Variants in STAB2 observed in about 807,000 individuals in gnomAD.
STAB2 encodes stabilin-2.
A neutral mutation model predicts 338.1 loss-of-function variants in STAB2; 288 were observed. That is an observed-to-expected ratio of 0.85 (90% confidence interval 0.77 to 0.94). The LOEUF is 0.94. STAB2 is among the 40% of genes least tolerant of loss of function. The pLI is 0.00. For synonymous variants in STAB2, 1,202 were observed against 1,193.3 expected, an observed-to-expected ratio of 1.01 and a Z score of -0.15; for missense variants, 3,141 against 3,210.1, an observed-to-expected ratio of 0.98 and a Z score of 0.52.
Position 103,754,393 on chromosome 12 carries a change from C to G in STAB2, c.6715-909C>G, listed in dbSNP as rs905153587. 1.5e-4 allele frequency among the ~76,000 whole-genome samples: 23 copies of G among 152,098 alleles called. No homozygotes were observed. In the East Asian group the frequency reaches 1.5e-3, roughly 10 times the overall value. On this transcript the variant is annotated intron_variant, in intron 61 of 68. Coordinates refer to ENST00000388887, the MANE Select transcript of STAB2 (RefSeq NM_017564.10). ...TGAATGCCAGTTGCCAGCTGTGTGA[C>G]TTTGAGCAAGTTACTTCTCTTTGCC...
chr12:103,680,299 TTTAC>T (rs1464548124), intron 25 of STAB2, among the ~76,000 whole-genome samples: 1 of 152,172 alleles, frequency 6.6e-6, no homozygotes, highest in Non-Finnish European at 1.5e-5. Context: ...CATACATATA[TTTAC>T]TTCAATTCTT....
At chr12:103,752,454 A>G (rs1036901087) in intron 60 of STAB2, among the ~76,000 whole-genome samples, 7 of 152,248 alleles carry the variant, frequency 4.6e-5, no homozygotes, top group Non-Finnish European at 1.0e-4. Flanking sequence ...GAACTTGACA[A>G]TATAAAAATG....
At chr12:103,762,435 G>T (rs1884607371) in intron 67 of STAB2, 33 bp downstream of exon 67, 1 of 1,614,002 alleles carries the variant, frequency 6.2e-7, no homozygotes, top group African/African-American at 1.3e-5. Context: ...TGATGATGGG[G>T]TCCTCTCCAA....
At chr12:103,717,236 A>G (rs1880389547) in intron 43 of STAB2, among the ~76,000 whole-genome samples, 1 of 152,200 alleles carries the variant, frequency 6.6e-6, no homozygotes, top group Non-Finnish European at 1.5e-5. Flanking sequence ...TTCTTCAGAC[A>G]GTGTCCCCTC....
intron 60 of STAB2, 107 bp from the exon 61 acceptor site, chr12:103,753,113 C>A: frequency 1.4e-6 from 2 of 1,431,312 alleles, no homozygotes; most frequent in South Asian, 1.4e-5. Context: ...CTGGAGACAC[C>A]CTGGGGTATA....
chr12:103,757,494 T>C (rs1460607078), intron 63 of STAB2, among the ~76,000 whole-genome samples: 1 of 152,194 alleles, frequency 6.6e-6, no homozygotes, highest in African/African-American at 2.4e-5. Flanking sequence ...TGCTAGAAGA[T>C]GATAGATCCA....
At chr12:103,638,437 GTCT>G (rs1401829799) in intron 8 of STAB2, among the ~76,000 whole-genome samples, 1 of 152,098 alleles carries the variant, frequency 6.6e-6, no homozygotes, top group African/African-American at 2.4e-5. Context: ...AAACTTAATT[GTCT>G]TACGTTCTCT....
chr12:103,631,117 A>G (rs1593161474), intron 5 of STAB2, among the ~76,000 whole-genome samples: 1 of 152,218 alleles, frequency 6.6e-6, no homozygotes, highest in Non-Finnish European at 1.5e-5. Context: ...GCTAGAAAAT[A>G]TGGCATGGTT....
chr12:103,757,896 G>A (rs1884253637), intron 63 of STAB2: 2 of 451,140 alleles, frequency 4.4e-6, no homozygotes, highest in African/African-American at 3.9e-5. Flanking sequence ...GAGAAGACTC[G>A]AGATTTGATG....
chr12:103,701,807 A>G (rs1878895139), intron 34 of STAB2, among the ~76,000 whole-genome samples: 1 of 146,164 alleles, frequency 6.8e-6, no homozygotes, highest in South Asian at 2.2e-4. Context: ...TTTGACTGCA[A>G]GTAAATCATA....
rs76443430 is a variant in STAB2, at chr12:103,591,886, C to A, written c.215+856C>A. On this transcript the variant is annotated intron_variant, in intron 2 of 68. Transcript: ENST00000388887. ...GCAAATGCAATTTGTATTTGCGCAG[C>A]CTGTTTCTTTAGAAATTAGATAGTA... 1.1e-3 allele frequency among the ~76,000 whole-genome samples: 171 copies of A among 152,224 alleles called. 1 individual carries two copies. Among genetic ancestry groups the A allele is most frequent in the African/African-American group, 3.9e-3 (162 of 41,524 alleles).
intron 30 of STAB2, among the ~76,000 whole-genome samples, chr12:103,691,582 T>C (rs1293765923): frequency 6.6e-6 from 1 of 152,194 alleles, no homozygotes; most frequent in Non-Finnish European, 1.5e-5. Context: ...AATTTATTGG[T>C]GTTTTAAATC....
At chr12:103,732,281 C>G (rs552284214) in intron 50 of STAB2, among the ~76,000 whole-genome samples, 1 of 152,256 alleles carries the variant, frequency 6.6e-6, no homozygotes, top group Non-Finnish European at 1.5e-5. Context: ...TGCACTCCAG[C>G]CGGGGTGACA....
chr12:103,638,526 C>A (rs900820596), intron 8 of STAB2, among the ~76,000 whole-genome samples: 2 of 152,224 alleles, frequency 1.3e-5, no homozygotes, highest in Non-Finnish European at 2.9e-5. Flanking sequence ...AACTGTTGAA[C>A]ATATGATTGA....
chr12:103,734,403 G>A (rs1354864050), intron 51 of STAB2, among the ~76,000 whole-genome samples: 2 of 151,308 alleles, frequency 1.3e-5, no homozygotes, highest in East Asian at 3.9e-4. Context: ...AATCATATGG[G>A]AGCAAGCATG....
At position 103,749,085 on chromosome 12, in the gene STAB2, GAGAT is replaced by G. The variant is rs748831655; in HGVS notation, c.6371_6374del (p.Ile2124ThrfsTer19). 1 of 1,614,134 alleles carries G rather than the reference GAGAT, an allele frequency of 6.2e-7. No individual in the cohort carries two copies. Among genetic ancestry groups the G allele is most frequent in the South Asian group, 1.1e-5 (1 of 91,076 alleles). On this transcript the variant is annotated frameshift_variant, in exon 59 of 69. Transcript: ENST00000388887. LOFTEE classifies it high-confidence loss of function. ...CAAAGGGGACGGGCACAGCTGCACA[GAGAT>G]AGACCCCTGTGCAGACGGCCTTAAC...
At chr12:103,694,632 T>C (rs2138926375) in intron 31 of STAB2, among the ~76,000 whole-genome samples, 1 of 152,220 alleles carries the variant, frequency 6.6e-6, no homozygotes, top group South Asian at 2.1e-4. Context: ...TCTACTGTAG[T>C]ATGCTGTGAG....
In STAB2 at chr12:103,695,777, A is replaced by C; in HGVS notation, c.3515A>C (p.Tyr1172Ser). ...AATGCAATTGAGGCTGCCGATGCCT[A>C]CACAGTGTTTGCTCCAAACAACAAT... The part of the protein sequence containing the change: ...LANAIEAADA[Y>S]TVFAPNNNAI... The change falls in exon 33 of 69, where the codon TAC becomes TCC. Residue 1172 changes from tyrosine (Y) to serine (S), a missense_variant. By Grantham distance (144) the Tyr-to-Ser change is moderately radical (BLOSUM62 -2). Transcript: ENST00000388887. The C allele has an allele frequency of 6.2e-7, 1 of 1,614,210 alleles. No homozygotes were observed. Among genetic ancestry groups the C allele is most frequent in the East Asian group, 2.2e-5 (1 of 44,888 alleles).
intron 31 of STAB2, 67 bp downstream of exon 31, chr12:103,692,956 G>GC: frequency 7.5e-7 from 1 of 1,340,476 alleles, no homozygotes; most frequent in Admixed American, 2.2e-5. Context: ...GTCCTATACA[G>GC]CATTTTTTTT....
Sources: gnomAD v4.1 joint callset for allele counts (sites outside exome capture counted in the v4.1 genomes callset) on GRCh38, gnomAD v4.1.1 for gene constraint, MANE v1.5 for transcripts, NCBI Gene and HGNC (gene_info 2026-07-23, HGNC 2026-07-21) for gene names.